The following CLEC2L variants were observed in gnomAD, a reference collection of about 807,000 sequenced individuals.
CLEC2L encodes the protein C-type lectin domain family 2, member L.
A neutral mutation model predicts 23.6 loss-of-function variants in CLEC2L; 14 were observed. That is an observed-to-expected ratio of 0.59 (90% CI 0.39 to 0.93). The LOEUF (loss-of-function observed/expected upper bound fraction) is 0.93. Among genes scored for constraint, CLEC2L ranks in the 40% least tolerant of loss-of-function variants. The pLI is 0.00. For missense variants in CLEC2L, 264 were observed against 282.4 expected (o/e 0.93, Z 0.47); for synonymous variants, 114 against 121.3 (o/e 0.94, Z 0.40).
rs1035033111 is a variant in CLEC2L, at chr7:139,539,480, T to C, written c.266-841T>C. 6.6e-6 allele frequency: 1 copy of C among 152,108 alleles called. No homozygotes were observed. Among genetic ancestry groups the C allele is most frequent in the Non-Finnish European group, 1.5e-5 (1 of 68,014 alleles). The allele number at this position is 152,108 out of a possible 1,614,324, so 9.4% of individuals were successfully genotyped here. A position where few individuals can be genotyped will look rare whatever the true frequency, so the allele number is the denominator to read the frequency against. On this transcript the variant is annotated intron_variant, in intron 2 of 4. Coordinates refer to ENST00000422142, the MANE Select transcript of CLEC2L (RefSeq NM_001080511.4). The surrounding 1 kb of genome is among the most constrained non-coding windows in gnomAD (Gnocchi z 4.1). ...TCCCAGAAAAGTCCATGTATGCACA[T>C]ACCCGCCGATCTGTTCGTGGAAGCA... is the stretch of plus-strand genomic sequence containing the variant.
chr7:139,541,200 G>T (rs1038957875), intron 3 of CLEC2L, among the ~76,000 whole-genome samples: 1 of 151,980 alleles, frequency 6.6e-6, no homozygotes, highest in African/African-American at 2.4e-5. Context: ...GTAGAGACAG[G>T]GTTTCACCAT....
In CLEC2L at chr7:139,524,065, G is replaced by T; in HGVS notation, c.138G>T (p.Arg46=). 1 of 1,224,346 alleles carries T rather than the reference G, an allele frequency of 8.2e-7. No homozygotes were observed. Among genetic ancestry groups the T allele is most frequent in the Non-Finnish European group, 1.0e-6 (1 of 981,270 alleles). The allele number at this position is 1,224,346 out of a possible 1,614,324, so 75.8% of individuals were successfully genotyped here. A position where few individuals can be genotyped will look rare whatever the true frequency, so the allele number is the denominator to read the frequency against. Residue 46 remains arginine, a synonymous_variant, in exon 1 of 5, where the codon CGG becomes CGT. Transcript: ENST00000422142. Reference sequence around the variant, plus strand: ...CCCGCGGCCCCGAGGGGCTGCTGCGGCGATCCGGGTCGGGCTACGAGGGCA... The same window carrying T: ...CCCGCGGCCCCGAGGGGCTGCTGCGTCGATCCGGGTCGGGCTACGAGGGCA... The part of the protein sequence containing the change: ...AEARGPEGLL[R]RSGSGYEGST...
At chr7:139,524,218 G>GGGGAGCGCT (rs1260149640) in intron 1 of CLEC2L, 101 bp downstream of exon 1, 4 of 1,044,212 alleles carry the variant, frequency 3.8e-6, no homozygotes, top group South Asian at 4.5e-5. Flanking sequence ...CTGTCCCGGA[G>GGGGAGCGCT]GGGAGCGCTG....
chr7:139,526,509 T>C (rs532530255), intron 1 of CLEC2L, among the ~76,000 whole-genome samples: 13 of 152,318 alleles, frequency 8.5e-5, no homozygotes, highest in African/African-American at 3.1e-4. Context: ...ATGCATTCAT[T>C]CTTTCTGCAA....
chr7:139,528,502 AGT>A (rs1797535503), intron 1 of CLEC2L, among the ~76,000 whole-genome samples: 2 of 152,206 alleles, frequency 1.3e-5, no homozygotes, highest in South Asian at 4.1e-4. Flanking sequence ...CAGGCAAGAG[AGT>A]GTGTGCAGAG....
chr7:139,533,578 A>G (rs1451800094), intron 1 of CLEC2L, among the ~76,000 whole-genome samples: 1 of 152,032 alleles, frequency 6.6e-6, no homozygotes, highest in Non-Finnish European at 1.5e-5. Flanking sequence ...CTGGTCTCGA[A>G]CTCCTGACTT....
intron 2 of CLEC2L, among the ~76,000 whole-genome samples, chr7:139,538,553 C>A (rs1797691790): frequency 6.6e-6 from 1 of 151,834 alleles, no homozygotes; most frequent in Non-Finnish European, 1.5e-5. Flanking sequence ...TCGAGACCAG[C>A]CTGGCCAATA....
At position 139,534,576 on chromosome 7, in the gene CLEC2L, G is replaced by T. The variant is rs1015946337; in HGVS notation, c.191-1698G>T. 33 of 735,720 alleles carry T rather than the reference G, an allele frequency of 4.5e-5. 1 individual carries two copies. The highest frequency in any genetic ancestry group is 7.5e-4 in the Middle Eastern group (2 of 2,658). 45.6% of individuals were successfully genotyped at this position (735,720 alleles called of 1,614,324 possible). ...AATAATTGTATTGGAAGCATTAGGG[G>T]GGTTGGGGGTGGGCTTGGAACACAG... On this transcript the variant is annotated intron_variant, in intron 1 of 4. Coordinates refer to ENST00000422142, the MANE Select transcript of CLEC2L (RefSeq NM_001080511.4).
chr7:139,543,016 A>G (rs1313229185), intron 4 of CLEC2L, among the ~76,000 whole-genome samples: 2 of 152,102 alleles, frequency 1.3e-5, no homozygotes, highest in Non-Finnish European at 2.9e-5. Context: ...GATGATGATG[A>G]TGATGCGTGA....
intron 4 of CLEC2L, among the ~76,000 whole-genome samples, chr7:139,543,542 A>G (rs1435988567): frequency 6.6e-6 from 1 of 152,152 alleles, no homozygotes; most frequent in Non-Finnish European, 1.5e-5. Context: ...CCGGGTGAAC[A>G]ACTAAGGCTA....
intron 1 of CLEC2L, among the ~76,000 whole-genome samples, chr7:139,535,979 A>G (rs1797648456): frequency 6.6e-6 from 1 of 152,248 alleles, no homozygotes; most frequent in Non-Finnish European, 1.5e-5. Context: ...CGCAAACTCC[A>G]GCCTGCATCA....
chr7:139,534,412 T>A (rs1392591248), intron 1 of CLEC2L: 1 of 905,236 alleles, frequency 1.1e-6, no homozygotes, highest in Non-Finnish European at 1.9e-6. Flanking sequence ...AGTCAGTTGT[T>A]TGATTTCATC....
At chr7:139,529,728 T>C (rs1158088449) in intron 1 of CLEC2L, among the ~76,000 whole-genome samples, 1 of 152,228 alleles carries the variant, frequency 6.6e-6, no homozygotes, top group Admixed American at 6.5e-5. Flanking sequence ...GATGGCGAAC[T>C]GAACACATGC....
intron 1 of CLEC2L, among the ~76,000 whole-genome samples, chr7:139,525,056 T>C (rs186097757): frequency 4.6e-5 from 7 of 152,208 alleles, no homozygotes; most frequent in Non-Finnish European, 1.0e-4. Context: ...CTGTGCCACG[T>C]GGGAACTGAG....
chr7:139,528,171 T>C (rs572540181), intron 1 of CLEC2L, among the ~76,000 whole-genome samples: 1 of 152,296 alleles, frequency 6.6e-6, no homozygotes, highest in South Asian at 2.1e-4. Context: ...AAAAGAGATA[T>C]TGGAGTCTTA....
rs906556189 is a variant in CLEC2L, at chr7:139,523,955, C to A, written c.28C>A (p.Arg10=). MEPAREPPS[R]ARPPPPLAAR... is the part of the protein sequence containing the mutation. ...GGAGCCGGCCCGGGAGCCCCCCTCG[C>A]GGGCCCGGCCGCCGCCGCCCCTCGC... is the stretch of plus-strand genomic sequence containing the variant. The change falls in exon 1 of 5, where the codon CGG becomes AGG. Residue 10 remains arginine, a synonymous_variant. Coordinates refer to ENST00000422142, the MANE Select transcript of CLEC2L (RefSeq NM_001080511.4). The surrounding 1 kb of genome is among the most constrained non-coding windows in gnomAD (Gnocchi z 4.1). 1.2e-4 allele frequency: 118 copies of A among 971,038 alleles called. No homozygotes were observed. In the African/African-American group the frequency reaches 2.0e-3, roughly 16 times the overall value. The allele number at this position is 971,038 out of a possible 1,614,324, so 60.2% of individuals were successfully genotyped here. A position where few individuals can be genotyped will look rare whatever the true frequency, so the allele number is the denominator to read the frequency against.
intron 1 of CLEC2L, among the ~76,000 whole-genome samples, chr7:139,529,714 T>A (rs1003836104): frequency 3.9e-5 from 6 of 152,172 alleles, no homozygotes; most frequent in African/African-American, 1.4e-4. Context: ...GACTTGCAGG[T>A]CAAGATGGCG....
At position 139,529,316 on chromosome 7, in the gene CLEC2L, A is replaced by T. The variant is rs1312643651; in HGVS notation, c.190+5199A>T. Among the ~76,000 whole-genome samples, 6 of 152,256 alleles carry T rather than the reference A, an allele frequency of 3.9e-5. No homozygotes were observed. In the South Asian group the frequency reaches 1.2e-3, roughly 32 times the overall value. On this transcript the variant is annotated intron_variant, in intron 1 of 4. Coordinates refer to ENST00000422142, the MANE Select transcript of CLEC2L (RefSeq NM_001080511.4). ...TTACCTCATTTTCAAGATGAGGAAAATGAACTACAATAGAGGCTAAGAAAC... is the reference window on the plus strand; with the variant it reads ...TTACCTCATTTTCAAGATGAGGAAATTGAACTACAATAGAGGCTAAGAAAC...
intron 2 of CLEC2L, among the ~76,000 whole-genome samples, chr7:139,538,743 C>T (rs189384426): frequency 2.1e-4 from 29 of 141,100 alleles, no homozygotes; most frequent in Admixed American, 9.5e-4. Flanking sequence ...AGCGAGACTC[C>T]ATCTCAAAAA....
Sources: gnomAD v4.1 joint callset for allele counts (sites outside exome capture counted in the v4.1 genomes callset) on GRCh38, gnomAD v4.1.1 for gene constraint, Gnocchi (gnomAD v3.1) non-coding constraint, MANE v1.5 for transcripts, NCBI Gene and HGNC (gene_info 2026-07-23, HGNC 2026-07-21) for gene names.